Variants in SFXN5 observed in about 807,000 individuals in gnomAD.
The protein encoded by SFXN5 is sideroflexin 5, also known as sideroflexin-5.
Under a neutral mutation model 50.2 loss-of-function variants are expected in SFXN5, and 43 were observed. The observed-to-expected ratio is 0.86, with a 90% CI of 0.67 to 1.11. The LOEUF is 1.11. Among genes scored for constraint, SFXN5 ranks in the 50% least tolerant of loss-of-function variants. The probability of loss-of-function intolerance (pLI) is 0.00; values close to 1 mark genes in which losing one functional copy is unlikely to be tolerated. For synonymous variants in SFXN5, 203 were observed against 185.8 expected, an observed-to-expected ratio of 1.09 and a Z score of -0.75; for missense variants, 463 against 454.1, an observed-to-expected ratio of 1.02 and a Z score of -0.18.
Position 73,050,388 on chromosome 2 carries a change from G to GCGCGCGCACACACA in SFXN5, c.171+8139_171+8140insTGTGTGTGCGCGCG. Among the ~76,000 whole-genome samples, 74 of 143,912 alleles carry GCGCGCGCACACACA rather than the reference G, an allele frequency of 5.1e-4. 1 individual carries two copies. Among genetic ancestry groups the GCGCGCGCACACACA allele is most frequent in the East Asian group, 4.2e-3 (20 of 4,740 alleles). 94.4% of individuals were successfully genotyped at this position (143,912 alleles called of 152,430 possible). On this transcript the variant is annotated intron_variant, in intron 2 of 13. Coordinates refer to ENST00000272433, the MANE Select transcript of SFXN5 (RefSeq NM_144579.3). ...GTGGAGGTAGCGCCGCAGCCACAGC[G>GCGCGCGCACACACA]CACGCACACACACACACACACACAC...
At chr2:73,037,467 G>A (rs1312772986) in intron 3 of SFXN5, among the ~76,000 whole-genome samples, 1 of 152,146 alleles carries the variant, frequency 6.6e-6, no homozygotes, top group Non-Finnish European at 1.5e-5. Flanking sequence ...GTTCCAGAAT[G>A]AGAAAAAGTG....
chr2:72,979,210 C>T (rs572933272), intron 10 of SFXN5, among the ~76,000 whole-genome samples: 1 of 152,316 alleles, frequency 6.6e-6, no homozygotes, highest in South Asian at 2.1e-4. Flanking sequence ...TAAGCATACA[C>T]TAACTCCAGG....
chr2:73,040,344 G>A (rs913642397), intron 3 of SFXN5, among the ~76,000 whole-genome samples: 3 of 151,918 alleles, frequency 2.0e-5, no homozygotes, highest in Non-Finnish European at 4.4e-5. Context: ...GTTCCTACAC[G>A]ATATTAAAAA....
intron 2 of SFXN5, among the ~76,000 whole-genome samples, chr2:73,055,353 T>C (rs1171564723): frequency 6.6e-6 from 1 of 152,232 alleles, no homozygotes. Flanking sequence ...GCCAGAACCA[T>C]ATGCATGAGG....
At chr2:72,986,460 G>A (rs898262626) in intron 10 of SFXN5, among the ~76,000 whole-genome samples, 3 of 152,086 alleles carry the variant, frequency 2.0e-5, no homozygotes, top group Non-Finnish European at 2.9e-5. Context: ...TGTAGATGAC[G>A]ATCAGGGTCA....
intron 1 of SFXN5, chr2:73,070,865 G>GA (rs962542684): frequency 1.1e-4 from 16 of 152,230 alleles, no homozygotes; most frequent in African/African-American, 3.9e-4. Context: ...GAAGAGGCTG[G>GA]GGGGGGGTTC....
chr2:72,981,643 G>A (rs1001320816), intron 10 of SFXN5, among the ~76,000 whole-genome samples: 6 of 152,106 alleles, frequency 3.9e-5, no homozygotes, highest in Admixed American at 2.6e-4. Context: ...CTTTCCTCTG[G>A]CTGCCTTGGA....
At chr2:72,976,468 T>C (rs1303662442) in intron 10 of SFXN5, among the ~76,000 whole-genome samples, 3 of 152,200 alleles carry the variant, frequency 2.0e-5, no homozygotes, top group Admixed American at 6.5e-5. Context: ...AGAACAAATA[T>C]GAGACCTAAG....
At chr2:72,991,852 G>A (rs1199101268) in intron 9 of SFXN5, among the ~76,000 whole-genome samples, 1 of 152,158 alleles carries the variant, frequency 6.6e-6, no homozygotes, top group Non-Finnish European at 1.5e-5. Flanking sequence ...AAAAATCAGA[G>A]CTAATAATCG....
intron 9 of SFXN5, among the ~76,000 whole-genome samples, chr2:72,993,144 G>A (rs965190638): frequency 2.0e-5 from 3 of 152,206 alleles, no homozygotes; most frequent in Non-Finnish European, 2.9e-5. Context: ...ACGCCTAAAA[G>A]GAGGGCCCCT....
intron 12 of SFXN5, among the ~76,000 whole-genome samples, chr2:72,963,766 G>A (rs1674040282): frequency 6.6e-6 from 1 of 152,136 alleles, no homozygotes; most frequent in South Asian, 2.1e-4. Context: ...AGGCTGGGCT[G>A]GGGCTGAGCC....
intron 11 of SFXN5, among the ~76,000 whole-genome samples, chr2:72,969,394 T>G (rs958783335): frequency 2.0e-5 from 3 of 152,070 alleles, no homozygotes; most frequent in Non-Finnish European, 4.4e-5. Flanking sequence ...TTGGTGTTTT[T>G]TTTGTTTGTT....
chr2:72,950,272 T>C lies in SFXN5; in HGVS notation c.946-5173A>G, dbSNP rs1672392205. On this transcript the variant is annotated intron_variant, in intron 13 of 13. Transcript: ENST00000272433. This position sits in a 1 kb window ranked among gnomAD's most constrained non-coding sequence, Gnocchi z 4.2. ...AGCAGCCATGAGCGTCAGAGAGAGT[T>C]TTCTGAGAGTTGTCCCAGTGAGGGC... is the stretch of plus-strand genomic sequence containing the variant. Among the ~76,000 whole-genome samples the C allele has an allele frequency of 6.6e-6, 1 of 152,100 alleles. No individual in the cohort carries two copies. Among genetic ancestry groups the C allele is most frequent in the African/African-American group, 2.4e-5 (1 of 41,402 alleles).
intron 2 of SFXN5, among the ~76,000 whole-genome samples, chr2:73,052,541 C>A (rs1202882329): frequency 6.6e-6 from 1 of 151,930 alleles, no homozygotes; most frequent in African/African-American, 2.4e-5. Flanking sequence ...CTATAATATA[C>A]CCCAAATAGT....
In SFXN5 at chr2:73,058,607, G is replaced by C. The variant is rs965847206; in HGVS notation, c.103-11C>G. 1.9e-6 allele frequency: 3 copies of C among 1,613,478 alleles called. No homozygotes were observed. The highest frequency in any genetic ancestry group is 1.7e-6 in the Non-Finnish European group (2 of 1,179,460). On this transcript the variant is annotated splice_polypyrimidine_tract_variant and intron_variant, in intron 1 of 13. Coordinates refer to ENST00000272433, the MANE Select transcript of SFXN5 (RefSeq NM_144579.3). ...GCCATAGAAGGACGTCTGAAGAAGA[G>C]GATGAGAGAGAAGAGTGAATGGATC... is the stretch of plus-strand genomic sequence containing the variant.
rs1311249131 is a variant in SFXN5, at chr2:73,064,587, C to A, written c.103-5991G>T. Among the ~76,000 whole-genome samples the A allele has an allele frequency of 2.0e-5, 3 of 152,126 alleles. No homozygotes were observed. The East Asian group carries it at 5.8e-4, about 29-fold the overall frequency. The stretch of plus-strand genomic sequence containing the variant: ...ATTTCAAGCAAACTATGAGACATAT[C>A]CCCCCTGCCTCCCAACTCTCAGCCC... On this transcript the variant is annotated intron_variant, in intron 1 of 13. Transcript: ENST00000272433.
chr2:73,034,543 C>A (rs556464776), intron 3 of SFXN5, among the ~76,000 whole-genome samples: 7 of 152,156 alleles, frequency 4.6e-5, no homozygotes, highest in Non-Finnish European at 8.8e-5. Context: ...TGCATGGGGG[C>A]TCTGAGCAAT....
At chr2:72,965,046 A>G (rs927809185) in intron 12 of SFXN5, among the ~76,000 whole-genome samples, 2 of 152,036 alleles carry the variant, frequency 1.3e-5, no homozygotes, top group African/African-American at 4.8e-5. Context: ...TCCCAAGACC[A>G]CCCTGGCCTG....
At chr2:73,052,749 T>C (rs182655018) in intron 2 of SFXN5, among the ~76,000 whole-genome samples, 3 of 152,360 alleles carry the variant, frequency 2.0e-5, no homozygotes, top group Non-Finnish European at 2.9e-5. Context: ...TTTAGAGATC[T>C]AGATCTAATT....
Sources: allele counts gnomAD v4.1 joint callset (sites outside exome capture counted in the v4.1 genomes callset), GRCh38; gene constraint gnomAD v4.1.1; non-coding constraint Gnocchi (gnomAD v3.1); transcripts MANE v1.5; gene names NCBI Gene and HGNC (gene_info 2026-07-23, HGNC 2026-07-21).